The following PDE1C variants were observed in gnomAD, a reference collection of about 807,000 sequenced individuals.
The protein encoded by PDE1C is dual specificity calcium/calmodulin-dependent 3',5'-cyclic nucleotide phosphodiesterase 1C.
In PDE1C, 62 loss-of-function variants were observed where a neutral mutation model predicts 93.1. That is an observed-to-expected ratio of 0.67 (90% confidence interval 0.54 to 0.82). The LOEUF (loss-of-function observed/expected upper bound fraction) is 0.82. PDE1C is among the 40% of genes least tolerant of loss of function. The pLI is 0.00. For missense variants in PDE1C, 742 were observed against 884.6 expected, an observed-to-expected ratio of 0.84 and a Z score of 2.04; for synonymous variants, 325 against 310.1, an observed-to-expected ratio of 1.05 and a Z score of -0.50.
At chr7:32,038,950 G>T (rs1791468719) in intron 2 of PDE1C, among the ~76,000 whole-genome samples, 1 of 152,144 alleles carries the variant, frequency 6.6e-6, no homozygotes, top group Non-Finnish European at 1.5e-5. Context: ...TTTCTCAATA[G>T]AATGAATCAG....
chr7:31,802,307 T>C (rs941525179), intron 16 of PDE1C, among the ~76,000 whole-genome samples: 3 of 151,616 alleles, frequency 2.0e-5, no homozygotes, highest in African/African-American at 7.2e-5. Flanking sequence ...AATGATTTTA[T>C]AACACCTCAT....
Position 32,050,501 on chromosome 7 carries a change from G to C in PDE1C, c.128+1053C>G, listed in dbSNP as rs191996645. Among the ~76,000 whole-genome samples, 9 of 152,152 alleles carry C rather than the reference G, an allele frequency of 5.9e-5. No homozygotes were observed. In the East Asian group the frequency reaches 1.7e-3, roughly 29 times the overall value. On this transcript the variant is annotated intron_variant, in intron 2 of 17. Transcript: ENST00000396191. ...AAACAGAAAGCAGTGTATACAAGAT[G>C]AACCAATGAATGAACAACGTGAGGT...
intron 1 of PDE1C, among the ~76,000 whole-genome samples, chr7:32,344,912 A>T (rs991599322): frequency 6.6e-6 from 1 of 152,060 alleles, no homozygotes. Flanking sequence ...ATAATATAAA[A>T]TTTTCCCAAG....
intron 9 of PDE1C, among the ~76,000 whole-genome samples, chr7:31,844,165 T>C (rs1403449517): frequency 6.6e-6 from 1 of 151,802 alleles, no homozygotes; most frequent in Non-Finnish European, 1.5e-5. Flanking sequence ...CAGATATTTA[T>C]CAGTTTATTC....
chr7:32,404,653 C>T (rs1415197166), intron 1 of PDE1C, among the ~76,000 whole-genome samples: 1 of 152,114 alleles, frequency 6.6e-6, no homozygotes, highest in Admixed American at 6.6e-5. Flanking sequence ...TTTTCAATAG[C>T]TGTTATTTAT....
intron 2 of PDE1C, among the ~76,000 whole-genome samples, chr7:32,033,954 G>A (rs1790673203): frequency 6.6e-6 from 1 of 151,872 alleles, no homozygotes; most frequent in East Asian, 1.9e-4. Context: ...CTCTCTATCA[G>A]TAGATAATAA....
At chr7:32,313,564 T>C (rs1285002171) in intron 1 of PDE1C, among the ~76,000 whole-genome samples, 1 of 152,030 alleles carries the variant, frequency 6.6e-6, no homozygotes, top group Admixed American at 6.6e-5. Context: ...CATGGAATAC[T>C]ATGCAGCCAT....
At chr7:32,232,628 G>A (rs1487214507) in intron 1 of PDE1C, among the ~76,000 whole-genome samples, 1 of 152,200 alleles carries the variant, frequency 6.6e-6, no homozygotes, top group African/African-American at 2.4e-5. Flanking sequence ...GGTGGAAAGG[G>A]AGAAACTTGG....
chr7:31,877,106 A>G (rs1796693290), intron 5 of PDE1C, among the ~76,000 whole-genome samples: 1 of 152,174 alleles, frequency 6.6e-6, no homozygotes, highest in Non-Finnish European at 1.5e-5. Context: ...AAAATGCTAC[A>G]ATGTCCCTAA....
chr7:31,987,684 G>A (rs565633168), intron 2 of PDE1C, among the ~76,000 whole-genome samples: 1 of 152,224 alleles, frequency 6.6e-6, no homozygotes, highest in East Asian at 1.9e-4. Flanking sequence ...GTTTTTCTTA[G>A]AGAACAGTGT....
intron 2 of PDE1C, among the ~76,000 whole-genome samples, chr7:31,958,948 T>G (rs551784984): frequency 2.9e-4 from 44 of 152,298 alleles, no homozygotes; most frequent in African/African-American, 1.1e-3. Flanking sequence ...CTTTCTACTT[T>G]CTAGAGCTGA....
chr7:31,753,412 T>C lies in PDE1C; in HGVS notation c.2102A>G (p.Asn701Ser). 3 of 1,612,524 alleles carry C rather than the reference T, an allele frequency of 1.9e-6. No homozygotes were observed. The highest frequency in any genetic ancestry group is 2.5e-6 in the Non-Finnish European group (3 of 1,179,702). ...DQRIKMKKIQNISHNWNRK is the reference protein window; with the variant it reads ...DQRIKMKKIQSISHNWNRK ...TTTTCTGTTCCAGTTATGTGAGATG[T>C]TCTGAATCTTTTTCATTTTGATCCT... Residue 701 changes from asparagine to serine, a missense_variant, in exon 18 of 18, where the codon AAC (asparagine) becomes AGC (serine). Physicochemically the swap from Asn to Ser is conservative, Grantham distance 46. Transcript: ENST00000396191.
At chr7:31,845,275 T>C (rs1792416036) in intron 9 of PDE1C, among the ~76,000 whole-genome samples, 1 of 152,186 alleles carries the variant, frequency 6.6e-6, no homozygotes, top group Admixed American at 6.6e-5. Flanking sequence ...TATCTATTGA[T>C]TGTCTTTTCC....
At chr7:31,901,720 T>C (rs1329307253) in intron 2 of PDE1C, among the ~76,000 whole-genome samples, 1 of 151,418 alleles carries the variant, frequency 6.6e-6, no homozygotes, top group African/African-American at 2.4e-5. Context: ...TCTATAAAAA[T>C]ATAAATTTTA....
chr7:31,720,601 G>A, the PDE1C span, among the ~76,000 whole-genome samples: 3 of 152,228 alleles, frequency 2.0e-5, no homozygotes, highest in Middle Eastern at 3.4e-3. Flanking sequence ...ATCTGCAGCC[G>A]GTCTCCCATA....
intron 2 of PDE1C, among the ~76,000 whole-genome samples, chr7:32,171,248 A>T (rs193281730): frequency 6.6e-6 from 1 of 152,142 alleles, no homozygotes; most frequent in African/African-American, 2.4e-5. Flanking sequence ...AAAACACCCA[A>T]TCTAGCCATG....
the PDE1C span, among the ~76,000 whole-genome samples, chr7:31,731,635 T>A: frequency 6.6e-6 from 1 of 152,130 alleles, no homozygotes; most frequent in Non-Finnish European, 1.5e-5. Flanking sequence ...TGATCCACCC[T>A]CCTCGGCCTC....
chr7:32,360,254 T>C (rs147747574), intron 1 of PDE1C, among the ~76,000 whole-genome samples: 151 of 152,352 alleles, frequency 9.9e-4, no homozygotes, highest in African/African-American at 3.6e-3. Flanking sequence ...CTTTGCGATC[T>C]ATAAAGTGTC....
At chr7:32,266,310 C>A (rs1040392207) in intron 1 of PDE1C, among the ~76,000 whole-genome samples, 1 of 150,900 alleles carries the variant, frequency 6.6e-6, no homozygotes, top group East Asian at 2.0e-4. Context: ...AAAAAGAAAT[C>A]GCCTTTTGAG....
Sources: gnomAD v4.1 joint callset for allele counts (sites outside exome capture counted in the v4.1 genomes callset) on GRCh38, gnomAD v4.1.1 for gene constraint, MANE v1.5 for transcripts, NCBI Gene and HGNC (gene_info 2026-07-23, HGNC 2026-07-21) for gene names.